ESRRG: variants seen among roughly 807,000 people sequenced by gnomAD.
ESRRG encodes estrogen related receptor gamma, also known as estrogen-related receptor gamma.
Under a neutral mutation model 44.0 loss-of-function variants are expected in ESRRG, and 13 were observed. The ratio of observed to expected loss-of-function variants is 0.30; its 90% CI spans 0.19 to 0.47. The LOEUF (loss-of-function observed/expected upper bound fraction) is 0.47, where lower values mean the gene tolerates loss of function less well. ESRRG is among the 20% of genes least tolerant of loss of function. ESRRG has a pLI of 1.00. For synonymous variants in ESRRG, 215 were observed against 214.6 expected (o/e 1.00, Z -0.02); for missense variants, 395 against 580.6 (o/e 0.68, Z 3.29).
At chr1:216,508,678 T>C (rs2041884817) in intron 6 of ESRRG, among the ~76,000 whole-genome samples, 2 of 152,158 alleles carry the variant, frequency 1.3e-5, no homozygotes, top group Non-Finnish European at 2.9e-5. Context: ...ACACACATAA[T>C]TTCTAAAGTT....
intron 5 of ESRRG, among the ~76,000 whole-genome samples, chr1:216,562,140 T>G (rs1161875281): frequency 2.0e-5 from 3 of 152,182 alleles, no homozygotes; most frequent in African/African-American, 7.2e-5. Context: ...TTATGCTTTA[T>G]CTGTATGATA....
chr1:216,832,917 G>T (rs1003659300), intron 2 of ESRRG, among the ~76,000 whole-genome samples: 1 of 151,824 alleles, frequency 6.6e-6, no homozygotes, highest in Non-Finnish European at 1.5e-5. Flanking sequence ...AGAGGTTGCA[G>T]TGAGCCGAGA....
chr1:217,065,107 G>A (rs756426355), intron 1 of ESRRG, among the ~76,000 whole-genome samples: 1 of 152,190 alleles, frequency 6.6e-6, no homozygotes, highest in Non-Finnish European at 1.5e-5. Context: ...ACTGCTACTA[G>A]AAAGATAAAT....
intron 2 of ESRRG, among the ~76,000 whole-genome samples, chr1:216,829,062 T>A (rs1327897881): frequency 6.6e-6 from 1 of 152,194 alleles, no homozygotes; most frequent in Non-Finnish European, 1.5e-5. Context: ...TTTCTTTTAT[T>A]CCTGTATTTT....
rs556184467 is a variant in ESRRG, at chr1:216,526,467, C to T, written c.863-7046G>A. On this transcript the variant is annotated intron_variant, in intron 5 of 6. Coordinates refer to ENST00000408911, the MANE Select transcript of ESRRG (RefSeq NM_001438.4). ...AGGGATGCTTGAGGCCACCAGAAGC[C>T]AGGAGAGACAGGAGAGAAGCATGGA... is the stretch of plus-strand genomic sequence containing the variant. Among the ~76,000 whole-genome samples the T allele has an allele frequency of 2.0e-5, 3 of 152,144 alleles. No individual in the cohort carries two copies. In the South Asian group the frequency reaches 6.2e-4, roughly 32 times the overall value.
chr1:216,984,148 G>T (rs1418504105), intron 1 of ESRRG, among the ~76,000 whole-genome samples: 2 of 152,018 alleles, frequency 1.3e-5, no homozygotes, highest in Non-Finnish European at 1.5e-5. Flanking sequence ...CTTGTGCTTT[G>T]TTTCTTGAAA....
chr1:216,598,204 G>A (rs928493035), intron 3 of ESRRG, among the ~76,000 whole-genome samples: 5 of 152,138 alleles, frequency 3.3e-5, no homozygotes, highest in African/African-American at 1.2e-4. Context: ...ATATAGAACT[G>A]TGAATAGAAA....
intron 2 of ESRRG, among the ~76,000 whole-genome samples, chr1:216,938,706 G>C (rs989246130): frequency 6.6e-5 from 10 of 152,148 alleles, no homozygotes; most frequent in African/African-American, 2.4e-4. Context: ...AGGGATTCCT[G>C]TGCACCTACT....
At chr1:216,766,454 C>T (rs1436367492) in intron 2 of ESRRG, among the ~76,000 whole-genome samples, 1 of 151,868 alleles carries the variant, frequency 6.6e-6, no homozygotes, top group African/African-American at 2.4e-5. Context: ...TTCTCACAGC[C>T]CCAGTCCAAA....
At chr1:217,053,133 T>TAAAAAAAAAAAAAAAAA (rs71303007) in intron 1 of ESRRG, among the ~76,000 whole-genome samples, 20 of 119,032 alleles carry the variant, frequency 1.7e-4, no homozygotes, top group East Asian at 2.6e-4. Context: ...AATCCCATCT[T>TAAAAAAAAAAAAAAAAA]AAAAAAAAAA....
At chr1:216,666,146 C>T (rs996024327) in intron 2 of ESRRG, among the ~76,000 whole-genome samples, 2 of 152,290 alleles carry the variant, frequency 1.3e-5, no homozygotes, top group South Asian at 2.1e-4. Flanking sequence ...CCCTTTCTTA[C>T]AGATTTAGCA....
chr1:216,807,789 A>G (rs2094844442), intron 2 of ESRRG, among the ~76,000 whole-genome samples: 1 of 152,096 alleles, frequency 6.6e-6, no homozygotes, highest in Non-Finnish European at 1.5e-5. Context: ...CAAGATGAGG[A>G]TGGCTATCTA....
chr1:217,021,286 C>G (rs890857068), intron 1 of ESRRG, among the ~76,000 whole-genome samples: 1 of 152,120 alleles, frequency 6.6e-6, no homozygotes, highest in African/African-American at 2.4e-5. Context: ...CCCATTCCAC[C>G]CATGACCTAA....
intron 1 of ESRRG, among the ~76,000 whole-genome samples, chr1:217,039,882 G>A (rs75072169): frequency 2.7e-5 from 3 of 110,010 alleles, no homozygotes; most frequent in African/African-American, 7.8e-5. Context: ...CCAAATTGTA[G>A]TATTCTATAC....
chr1:216,553,652 T>C (rs1432879257), intron 5 of ESRRG, among the ~76,000 whole-genome samples: 1 of 152,184 alleles, frequency 6.6e-6, no homozygotes, highest in Non-Finnish European at 1.5e-5. Context: ...TTATTCATTA[T>C]ATTTCTCTCC....
intron 1 of ESRRG, among the ~76,000 whole-genome samples, chr1:216,940,828 A>G (rs994588226): frequency 1.3e-5 from 2 of 152,210 alleles, no homozygotes; most frequent in African/African-American, 4.8e-5. Context: ...TTTCAATCCC[A>G]AATTCCCCCT....
rs531901240 is a variant in ESRRG, at chr1:216,799,936, G to A, written c.-13-122445C>T. ...CATGTAATGTTCTTGAGGAAGGGGA[G>A]TCTCCCCCTCAAAAAAACCCCACAT... On this transcript the variant is annotated intron_variant, in intron 2 of 7. Transcript: ENST00000359162. 2.0e-5 allele frequency among the ~76,000 whole-genome samples: 3 copies of A among 152,208 alleles called. No homozygotes were observed. The East Asian group carries it at 5.8e-4, about 29-fold the overall frequency.
chr1:216,812,472 C>T (rs2095004006), intron 2 of ESRRG, among the ~76,000 whole-genome samples: 1 of 151,960 alleles, frequency 6.6e-6, no homozygotes, highest in South Asian at 2.1e-4. Context: ...TAGTAGATTG[C>T]ATAATGAACA....
intron 1 of ESRRG, among the ~76,000 whole-genome samples, chr1:217,111,182 A>G (rs796709705): frequency 2.6e-5 from 4 of 152,262 alleles, no homozygotes; most frequent in African/African-American, 9.6e-5. Context: ...GTTCACTGAA[A>G]TTCCCCCAGG....
Sources: allele counts gnomAD v4.1 joint callset (sites outside exome capture counted in the v4.1 genomes callset), GRCh38; gene constraint gnomAD v4.1.1; transcripts MANE v1.5; gene names NCBI Gene and HGNC (gene_info 2026-07-23, HGNC 2026-07-21).